Variants in TENM1 observed in about 807,000 individuals in gnomAD.
TENM1 encodes the protein teneurin-1.
In TENM1, 35 loss-of-function variants were observed where a neutral mutation model predicts 174.8. The ratio of observed to expected loss-of-function variants is 0.20; its 90% CI spans 0.15 to 0.27. The LOEUF (loss-of-function observed/expected upper bound fraction) is 0.27. Among genes scored for constraint, TENM1 ranks in the 10% least tolerant of loss-of-function variants. TENM1 has a pLI of 1.00. For synonymous variants in TENM1, 781 were observed against 798.7 expected (o/e 0.98, Z 0.37); for missense variants, 1,633 against 2,130.1 (o/e 0.77, Z 4.59).
intron 3 of TENM1, 67 bp downstream of exon 6, chrX:124,894,229 G>A: frequency 3.5e-6 from 3 of 864,226 alleles, no homozygotes; most frequent in Non-Finnish European, 5.1e-6. Context: ...TCCATTTTGT[G>A]GGGGTAGGGT....
At chrX:124,470,661 CT>C (rs2061289554) in intron 22 of TENM1, among the ~76,000 whole-genome samples, 1 of 110,844 alleles carries the variant, frequency 9.0e-6, no homozygotes, top group Non-Finnish European at 1.9e-5. Flanking sequence ...ATTTAAATAT[CT>C]TTTACTACTG....
intron 23 of TENM1, among the ~76,000 whole-genome samples, chrX:124,438,807 T>G (rs1241802877): frequency 9.0e-6 from 1 of 111,044 alleles, no homozygotes; most frequent in Non-Finnish European, 1.9e-5. Context: ...TGGAAATATC[T>G]CTGATAACAG....
rs139278224 is a variant in TENM1 at position 124,929,742 on chromosome X, A to G, written c.218-33501T>C. Among the ~76,000 whole-genome samples, 241 of 112,077 alleles carry G rather than the reference A, an allele frequency of 2.2e-3. 6 individuals carry two copies. In the East Asian group the frequency reaches 0.043, roughly 20 times the overall value. On this transcript the variant is annotated intron_variant, in intron 1 of 31. Transcript: ENST00000422452. Reference sequence around the variant, plus strand: ...CATGGCTTTAGCATCCTAATTTCCCATAAGCTATGCCTCAGAATTACTATG... The same window carrying G: ...CATGGCTTTAGCATCCTAATTTCCCGTAAGCTATGCCTCAGAATTACTATG...
At chrX:124,791,255 C>A (rs1313400534) in intron 3 of TENM1, among the ~76,000 whole-genome samples, 1 of 112,051 alleles carries the variant, frequency 8.9e-6, no homozygotes. Context: ...CAGCGGTTGG[C>A]TACATGACCT....
intron 14 of TENM1, among the ~76,000 whole-genome samples, chrX:124,559,485 T>C (rs1245506434): frequency 9.1e-6 from 1 of 110,107 alleles, no homozygotes; most frequent in African/African-American, 3.3e-5. Context: ...CTGGGCAACA[T>C]GGTGAAATCC....
At chrX:124,489,491 T>C (rs1234981787) in intron 20 of TENM1, among the ~76,000 whole-genome samples, 1 of 111,846 alleles carries the variant, frequency 8.9e-6, no homozygotes, top group East Asian at 2.8e-4. Context: ...TTCATCATGC[T>C]ATGAAGAAAC....
intron 3 of TENM1, among the ~76,000 whole-genome samples, chrX:124,801,041 G>T (rs192176245): frequency 7.4e-4 from 83 of 111,861 alleles, no homozygotes; most frequent in African/African-American, 2.7e-3. Context: ...TGGAATAAGT[G>T]CCATGTAGCA....
chrX:124,784,210 A>G (rs1356523178), intron 3 of TENM1, among the ~76,000 whole-genome samples: 1 of 112,054 alleles, frequency 8.9e-6, no homozygotes, highest in Non-Finnish European at 1.9e-5. Flanking sequence ...CTCAAGAGAA[A>G]AGACAACCTA....
At chrX:124,917,797 C>T (rs1170857507) in intron 1 of TENM1, among the ~76,000 whole-genome samples, 2 of 111,880 alleles carry the variant, frequency 1.8e-5, no homozygotes, top group Non-Finnish European at 3.8e-5. Context: ...CTGCTCCTTA[C>T]TAGTATATTC....
At chrX:124,749,002 A>C (rs2054001080) in intron 3 of TENM1, among the ~76,000 whole-genome samples, 1 of 111,640 alleles carries the variant, frequency 9.0e-6, no homozygotes, top group African/African-American at 3.2e-5. Flanking sequence ...CCATCTAGTA[A>C]GTAGCCTAAG....
chrX:125,130,992 G>A, the TENM1 span, among the ~76,000 whole-genome samples: 1 of 112,050 alleles, frequency 8.9e-6, no homozygotes, highest in Non-Finnish European at 1.9e-5. Context: ...ATAAGAGAGG[G>A]TAAGCCCCTG....
At chrX:125,017,384 G>C in the TENM1 span, among the ~76,000 whole-genome samples, 7 of 111,614 alleles carry the variant, frequency 6.3e-5, no homozygotes, top group Admixed American at 6.7e-4. Context: ...AGATGCTGGA[G>C]AGGATATGGA....
chrX:125,081,828 T>A, the TENM1 span, among the ~76,000 whole-genome samples: 32,205 of 110,524 alleles, frequency 0.29, 5,916 homozygotes, highest in African/African-American at 0.68. Flanking sequence ...AAATGGAATC[T>A]TGTTTTTTGC....
chrX:124,625,885 T>C (rs886447690), intron 11 of TENM1, among the ~76,000 whole-genome samples: 2 of 110,950 alleles, frequency 1.8e-5, no homozygotes, highest in Admixed American at 9.6e-5. Flanking sequence ...GGGACTGCAA[T>C]TCTACATGAG....
intron 5 of TENM1, among the ~76,000 whole-genome samples, chrX:124,674,032 C>G (rs1445016390): frequency 9.1e-6 from 1 of 110,283 alleles, no homozygotes; most frequent in Non-Finnish European, 1.9e-5. Context: ...ATGAATTCAG[C>G]CTTTGGGGTT....
intron 5 of TENM1, among the ~76,000 whole-genome samples, chrX:124,685,324 C>A (rs139651478): frequency 1.8e-5 from 2 of 109,727 alleles, no homozygotes; most frequent in Non-Finnish European, 3.8e-5. Context: ...GAAAACAGCA[C>A]GTAAGAAATA....
chrX:124,845,936 C>T (rs2056598622), intron 3 of TENM1, among the ~76,000 whole-genome samples: 1 of 110,197 alleles, frequency 9.1e-6, no homozygotes, highest in African/African-American at 3.3e-5. Flanking sequence ...CGTGAATATG[C>T]ACCTGGCCAA....
chrX:124,467,195 A>G (rs1273198286), intron 22 of TENM1, among the ~76,000 whole-genome samples: 1 of 111,995 alleles, frequency 8.9e-6, no homozygotes, highest in African/African-American at 3.2e-5. Flanking sequence ...TGAAAAATCA[A>G]ATGGAATAGC....
intron 3 of TENM1, among the ~76,000 whole-genome samples, chrX:124,792,420 T>A (rs1262050960): frequency 8.9e-6 from 1 of 111,902 alleles, no homozygotes; most frequent in Non-Finnish European, 1.9e-5. Flanking sequence ...CGAAGTATTC[T>A]TGAAGATTAT....
Sources: gnomAD v4.1 joint callset for allele counts (sites outside exome capture counted in the v4.1 genomes callset) on GRCh38, gnomAD v4.1.1 for gene constraint, MANE v1.5 for transcripts, NCBI Gene and HGNC (gene_info 2026-07-23, HGNC 2026-07-21) for gene names.